Variants in KCNK10 observed in about 807,000 individuals in gnomAD.
KCNK10 encodes the protein potassium two pore domain channel subfamily K member 10.
Under a neutral mutation model 47.7 loss-of-function variants are expected in KCNK10, and 25 were observed. The ratio of observed to expected loss-of-function variants is 0.52; its 90% CI spans 0.38 to 0.73. KCNK10 has a LOEUF of 0.73. Ranked by LOEUF, KCNK10 falls within the 30% of genes least tolerant of loss-of-function variation. The probability of loss-of-function intolerance (pLI) is 0.00; values close to 1 mark genes in which losing one functional copy is unlikely to be tolerated. For missense variants in KCNK10, 563 were observed against 714.5 expected (o/e 0.79, Z 2.42); for synonymous variants, 303 against 285.6 (o/e 1.06, Z -0.61).
chr14:88,226,623 A>G (rs1375509932), intron 4 of KCNK10, among the ~76,000 whole-genome samples: 1 of 152,228 alleles, frequency 6.6e-6, no homozygotes, highest in Non-Finnish European at 1.5e-5. Flanking sequence ...CATACAAATG[A>G]GTGCGAGTTA....
At chr14:88,287,011 T>G (rs909736787) in intron 1 of KCNK10, among the ~76,000 whole-genome samples, 7 of 152,248 alleles carry the variant, frequency 4.6e-5, no homozygotes, top group Non-Finnish European at 8.8e-5. Context: ...CTATTCCAAG[T>G]GCTTTACATG....
intron 4 of KCNK10, among the ~76,000 whole-genome samples, chr14:88,192,694 A>G (rs972669334): frequency 1.3e-5 from 2 of 152,210 alleles, no homozygotes; most frequent in Non-Finnish European, 2.9e-5. Context: ...TGTTTCTTGC[A>G]TGGTTCCATG....
intron 1 of KCNK10, among the ~76,000 whole-genome samples, chr14:88,309,476 C>T (rs1888267471): frequency 6.6e-6 from 1 of 152,070 alleles, no homozygotes; most frequent in East Asian, 1.9e-4. Context: ...GGGGCACATG[C>T]CTATAGTCCC....
intron 2 of KCNK10, among the ~76,000 whole-genome samples, chr14:88,259,400 T>A (rs1469664173): frequency 6.6e-6 from 1 of 152,222 alleles, no homozygotes; most frequent in Non-Finnish European, 1.5e-5. Flanking sequence ...CCAGGACTGA[T>A]GCTCAATGTG....
intron 3 of KCNK10, among the ~76,000 whole-genome samples, chr14:88,227,772 T>C (rs375931877): frequency 4.0e-4 from 61 of 152,340 alleles, no homozygotes; most frequent in South Asian, 1.9e-3. Context: ...AAATTCATGG[T>C]CACTCAGAAC....
intron 1 of KCNK10, among the ~76,000 whole-genome samples, chr14:88,273,888 A>G (rs1297653319): frequency 6.6e-6 from 1 of 152,218 alleles, no homozygotes; most frequent in African/African-American, 2.4e-5. Flanking sequence ...CTTGGGATTA[A>G]AAGTAATACA....
At chr14:88,249,183 C>T (rs10483993) in intron 2 of KCNK10, among the ~76,000 whole-genome samples, 5,293 of 152,268 alleles carry the variant, frequency 0.035, 399 homozygotes, top group East Asian at 0.27. Context: ...AGGTTAAACA[C>T]TCACTTACTG....
intron 1 of KCNK10, among the ~76,000 whole-genome samples, chr14:88,276,454 T>C (rs1299430): frequency 0.2 from 31,122 of 151,878 alleles, 5,160 homozygotes; most frequent in African/African-American, 0.46. Context: ...TTCATTATAG[T>C]AGCCCTAAGG....
intron 2 of KCNK10, among the ~76,000 whole-genome samples, chr14:88,249,507 G>T (rs1172879642): frequency 1.3e-5 from 2 of 152,152 alleles, no homozygotes; most frequent in African/African-American, 4.8e-5. Flanking sequence ...CTGTGACTAA[G>T]GACCTGAGTG....
intron 4 of KCNK10, among the ~76,000 whole-genome samples, chr14:88,220,493 T>C (rs1382731514): frequency 7.1e-6 from 1 of 140,988 alleles, no homozygotes; most frequent in African/African-American, 2.7e-5. Context: ...AGTATGATAT[T>C]GGAGAAAGAA....
At chr14:88,224,159 AT>A (rs1156309903) in intron 4 of KCNK10, among the ~76,000 whole-genome samples, 6 of 152,186 alleles carry the variant, frequency 3.9e-5, no homozygotes. Flanking sequence ...AAAATTAAAC[AT>A]TTTAAGTGGT....
intron 1 of KCNK10, among the ~76,000 whole-genome samples, chr14:88,299,423 G>T (rs1225653280): frequency 6.6e-6 from 1 of 152,162 alleles, no homozygotes; most frequent in African/African-American, 2.4e-5. Context: ...TAAGAGTAAG[G>T]ACTGCATCAT....
intron 3 of KCNK10, among the ~76,000 whole-genome samples, chr14:88,238,815 G>C (rs1566697767): frequency 6.6e-6 from 1 of 152,192 alleles, no homozygotes; most frequent in Non-Finnish European, 1.5e-5. Flanking sequence ...CATTTAAAAT[G>C]AGAGACATGC....
chr14:88,211,428 G>A (rs1885453928), intron 4 of KCNK10, among the ~76,000 whole-genome samples: 1 of 152,194 alleles, frequency 6.6e-6, no homozygotes, highest in Non-Finnish European at 1.5e-5. Context: ...GGAGATGATG[G>A]TAGTGATGGT....
chr14:88,321,844 G>A (rs945182825), intron 1 of KCNK10, among the ~76,000 whole-genome samples: 5 of 152,170 alleles, frequency 3.3e-5, no homozygotes, highest in African/African-American at 1.2e-4. Context: ...TGACACAGTC[G>A]TCAGATGAGC....
intron 4 of KCNK10, among the ~76,000 whole-genome samples, chr14:88,209,554 T>A (rs1482157130): frequency 6.6e-6 from 1 of 152,242 alleles, no homozygotes; most frequent in Non-Finnish European, 1.5e-5. Context: ...AAGGGCTCGC[T>A]GCATCGCGGC....
chr14:88,326,247 G>A (rs929099501), upstream of KCNK10, among the ~76,000 whole-genome samples: 15 of 141,958 alleles, frequency 1.1e-4, no homozygotes, highest in African/African-American at 4.0e-4. Context: ...CCCAAAACGT[G>A]TCTGAAATCA....
chr14:88,183,572 A>C lies in KCNK10; in HGVS notation c.*1963T>G, dbSNP rs1170734482. The C allele has an allele frequency of 6.6e-6, 1 of 152,370 alleles. No homozygotes were observed. The highest frequency in any genetic ancestry group is 1.5e-5 in the Non-Finnish European group (1 of 68,050). The allele number at this position is 152,370 out of a possible 1,614,324, so 9.4% of individuals were successfully genotyped here. ...CACACCTGCATAAACATCGCCTCCC[A>C]AGTGACTATTTATTACTGAGTCGAC... On this transcript the variant is annotated 3_prime_UTR_variant, in exon 7 of 7. Coordinates refer to ENST00000319231, the MANE Select transcript of KCNK10 (RefSeq NM_138317.3).
intron 6 of KCNK10, among the ~76,000 whole-genome samples, chr14:88,187,625 A>ACG (rs1555359137): frequency 1.3e-5 from 1 of 74,120 alleles, no homozygotes; most frequent in African/African-American, 3.2e-5. Context: ...GACAGGCTGC[A>ACG]CCCCCCCACA....
Sources: gnomAD v4.1 joint callset for allele counts (sites outside exome capture counted in the v4.1 genomes callset) on GRCh38, gnomAD v4.1.1 for gene constraint, MANE v1.5 for transcripts, NCBI Gene and HGNC (gene_info 2026-07-23, HGNC 2026-07-21) for gene names.